PCDHA2: variants seen among roughly 807,000 people sequenced by gnomAD.
The protein encoded by PCDHA2 is protocadherin alpha-2.
Under a neutral mutation model 66.0 loss-of-function variants are expected in PCDHA2, and 58 were observed. The observed-to-expected ratio is 0.88, with a 90% confidence interval of 0.71 to 1.09. The LOEUF (loss-of-function observed/expected upper bound fraction) is 1.09, where lower values mean the gene tolerates loss of function less well. Ranked by LOEUF, PCDHA2 falls within the 50% of genes least tolerant of loss-of-function variation. The pLI is 0.00. For missense variants in PCDHA2, 1,267 were observed against 1,242.3 expected, an observed-to-expected ratio of 1.02 and a Z score of -0.30; for synonymous variants, 634 against 554.0, an observed-to-expected ratio of 1.14 and a Z score of -2.03.
chr5:140,899,931 C>G (rs1163496997), intron 1 of PCDHA2, among the ~76,000 whole-genome samples: 1 of 152,112 alleles, frequency 6.6e-6, no homozygotes, highest in African/African-American at 2.4e-5. Context: ...CCTCAGCCTC[C>G]TGAATAGCTG....
chr5:140,862,491 C>T, intron 1 of PCDHA2: 1 of 387,444 alleles, frequency 2.6e-6, no homozygotes, highest in Admixed American at 3.4e-5. Flanking sequence ...TTGGTAATCG[C>T]TCGGAATGGG....
intron 1 of PCDHA2, among the ~76,000 whole-genome samples, chr5:140,921,583 TA>T (rs2080282425): frequency 6.6e-6 from 1 of 152,200 alleles, no homozygotes; most frequent in South Asian, 2.1e-4. Flanking sequence ...GCTCATACTA[TA>T]TTATGGTTTC....
At chr5:140,935,080 C>T (rs1163743447) in intron 1 of PCDHA2, among the ~76,000 whole-genome samples, 1 of 152,076 alleles carries the variant, frequency 6.6e-6, no homozygotes, top group Non-Finnish European at 1.5e-5. Flanking sequence ...TGTACATTTC[C>T]TTTCCCAGAA....
In PCDHA2 at chr5:140,795,600, G is replaced by T. The variant is rs782666248; in HGVS notation, c.636G>T (p.Leu212=). ...REETAEVNLL[L]VATDGGKPEL... ...AAACTGCTGAGGTTAATTTGTTACT[G>T]GTGGCTACTGATGGGGGCAAACCTG... The change falls in exon 1 of 4, where the codon CTG becomes CTT. Residue 212 remains leucine (L), a synonymous_variant. Coordinates refer to ENST00000526136, the MANE Select transcript of PCDHA2 (RefSeq NM_018905.3). 26 of 1,614,168 alleles carry T rather than the reference G, an allele frequency of 1.6e-5. No individual in the cohort carries two copies. The South Asian group carries it at 2.4e-4, about 15-fold the overall frequency.
chr5:140,876,992 A>T (rs1222630901), intron 1 of PCDHA2: 1 of 1,612,438 alleles, frequency 6.2e-7, no homozygotes, highest in Non-Finnish European at 8.5e-7. Flanking sequence ...CTGTCGAGCT[A>T]CGTGTCGGTG....
intron 2 of PCDHA2, among the ~76,000 whole-genome samples, chr5:140,980,141 T>C (rs1241352797): frequency 1.3e-5 from 2 of 152,164 alleles, no homozygotes; most frequent in Non-Finnish European, 2.9e-5. Context: ...CCAGAAACAT[T>C]CATGCATATA....
chr5:140,830,385 C>G, intron 1 of PCDHA2: 2 of 1,614,120 alleles, frequency 1.2e-6, no homozygotes, highest in Non-Finnish European at 1.7e-6. Flanking sequence ...GAGGGCCCAC[C>G]CAAGATGGAT....
In PCDHA2 at chr5:140,946,631, T is replaced by TATAC. The variant is rs57893927; in HGVS notation, c.2389-32317_2389-32316insTACA. ...TGTGAAATATATATATATATATATA[T>TATAC]ACAATGGAATACTCATCAGCCATTA... On this transcript the variant is annotated intron_variant, in intron 1 of 3. Transcript: ENST00000526136. 2.4e-4 allele frequency among the ~76,000 whole-genome samples: 32 copies of TATAC among 131,838 alleles called. 1 individual carries two copies. The highest frequency in any genetic ancestry group is 4.2e-4 in the African/African-American group (12 of 28,706). 86.5% of individuals were successfully genotyped at this position (131,838 alleles called of 152,430 possible).
chr5:140,849,589 T>G, intron 1 of PCDHA2: 1 of 1,598,710 alleles, frequency 6.3e-7, no homozygotes, highest in Non-Finnish European at 8.6e-7. Context: ...GACGCACAAC[T>G]GGGGACAGTT....
chr5:140,883,683 G>A lies in PCDHA2; in HGVS notation c.2388+86331G>A, dbSNP rs1015362604. ...GTGAAGGAAAACAATCCGCCGGGCT[G>A]CCACATCTTCACGGTGTCTGCTCAG... On this transcript the variant is annotated intron_variant, in intron 1 of 3. Transcript: ENST00000526136. 4 of 1,613,808 alleles carry A rather than the reference G, an allele frequency of 2.5e-6. No individual in the cohort carries two copies. Among genetic ancestry groups the A allele is most frequent in the Non-Finnish European group, 3.4e-6 (4 of 1,179,896 alleles).
At chr5:140,807,075 C>T in intron 1 of PCDHA2, 1 of 1,229,574 alleles carries the variant, frequency 8.1e-7, no homozygotes, top group Non-Finnish European at 1.1e-6. Context: ...ACCATATACA[C>T]TCTTTGGAGT....
Position 140,851,528 on chromosome 5 carries a change from C to T in PCDHA2, c.2388+54176C>T, listed in dbSNP as rs185754801. ...ATAAAATATGTTTTAAAATGCCTGA[C>T]AATGTAGATAATTCAAGAAATGTTG... On this transcript the variant is annotated intron_variant, in intron 1 of 3. Transcript: ENST00000526136. 15 of 903,994 alleles carry T rather than the reference C, an allele frequency of 1.7e-5. No homozygotes were observed. The East Asian group carries it at 1.6e-3, about 98-fold the overall frequency. The allele number at this position is 903,994 out of a possible 1,614,324, so 56.0% of individuals were successfully genotyped here.
At chr5:140,883,331 T>C (rs782330597) in intron 1 of PCDHA2, 1 of 1,614,064 alleles carries the variant, frequency 6.2e-7, no homozygotes, top group East Asian at 2.2e-5. Flanking sequence ...CATCACTTCT[T>C]TGTCACTCCC....
chr5:140,856,716 G>T (rs1482820775), intron 1 of PCDHA2: 1 of 1,596,628 alleles, frequency 6.3e-7, no homozygotes, highest in Admixed American at 1.7e-5. Context: ...GAATTTACCG[G>T]ATCTGTTTCT....
At chr5:140,971,369 T>C (rs1384716266) in intron 1 of PCDHA2, among the ~76,000 whole-genome samples, 1 of 152,094 alleles carries the variant, frequency 6.6e-6, no homozygotes, top group Non-Finnish European at 1.5e-5. Context: ...GCCAGGAGAG[T>C]GCATGACTTT....
intron 1 of PCDHA2, chr5:140,875,973 T>C (rs782725100): frequency 6.2e-7 from 1 of 1,614,042 alleles, no homozygotes; most frequent in Non-Finnish European, 8.5e-7. Context: ...TAAACTCTCT[T>C]TTGACCTATG....
chr5:140,985,508 A>G (rs2097155357), intron 3 of PCDHA2, among the ~76,000 whole-genome samples: 1 of 152,160 alleles, frequency 6.6e-6, no homozygotes, highest in Admixed American at 6.5e-5. Context: ...CCTTTCATTG[A>G]TTCTGTTGCC....
rs781886107 is a variant in PCDHA2 at position 140,870,037 on chromosome 5, A to G, written c.2388+72685A>G. 6.2e-7 allele frequency: 1 copy of G among 1,613,778 alleles called. No individual in the cohort carries two copies. The highest frequency in any genetic ancestry group is 1.7e-5 in the Admixed American group (1 of 60,026). On this transcript the variant is annotated intron_variant, in intron 1 of 3. Coordinates refer to ENST00000526136, the MANE Select transcript of PCDHA2 (RefSeq NM_018905.3). ...CAATGGAACTTTAGATTATGAAGAA[A>G]ACAAGTTTTATAAAATTGAAGTACA... is the stretch of plus-strand genomic sequence containing the variant.
intron 1 of PCDHA2, chr5:140,968,074 C>T (rs781940696): frequency 1.2e-6 from 2 of 1,614,020 alleles, no homozygotes; most frequent in African/African-American, 1.3e-5. Context: ...CTGTCTACAA[C>T]ATCACGGTGA....
Sources: gnomAD v4.1 joint callset for allele counts (sites outside exome capture counted in the v4.1 genomes callset) on GRCh38, gnomAD v4.1.1 for gene constraint, MANE v1.5 for transcripts, NCBI Gene and HGNC (gene_info 2026-07-23, HGNC 2026-07-21) for gene names.